Variants in METTL2A observed in about 807,000 individuals in gnomAD.
METTL2A encodes methyltransferase 2A, tRNA N3-cytidine.
In METTL2A, 45 loss-of-function variants were observed where a neutral mutation model predicts 49.4. That is an observed-to-expected ratio of 0.91 (90% CI 0.72 to 1.17). The LOEUF (loss-of-function observed/expected upper bound fraction) is 1.17. METTL2A is among the 50% of genes most tolerant of loss of function. The probability of loss-of-function intolerance (pLI) is 0.00; values close to 1 mark genes in which losing one functional copy is unlikely to be tolerated. For missense variants in METTL2A, 361 were observed against 462.2 expected, an observed-to-expected ratio of 0.78 and a Z score of 2.01; for synonymous variants, 118 against 167.5, an observed-to-expected ratio of 0.70 and a Z score of 2.28.
chr17:62,425,741 CTGTAATCCCAGCACTTTGGGAGGCCGAG>C (rs1290240104), intron 2 of METTL2A, among the ~76,000 whole-genome samples: 4 of 148,276 alleles, frequency 2.7e-5, no homozygotes, highest in Admixed American at 6.8e-5. Context: ...TGACTCATGC[CTGTAATCCCAGCACTTTGGGAGGCCGAG>C]GCGGGTGGAT....
rs2070792384 is a variant in METTL2A, at chr17:62,449,563, T to C, written c.*834T>C. On this transcript the variant is annotated 3_prime_UTR_variant, in exon 9 of 9. Transcript: ENST00000311506. ...CCGTCTCTACTAAAGATAAAAAAAT[T>C]AGCTGAGTGTGTTGGTGGGTGCCTG... 1 of 329,876 alleles carries C rather than the reference T, an allele frequency of 3.0e-6. No homozygotes were observed. Among genetic ancestry groups the C allele is most frequent in the Admixed American group, 4.5e-5 (1 of 22,006 alleles). The allele number at this position is 329,876 out of a possible 1,614,324, so 20.4% of individuals were successfully genotyped here. A position where few individuals can be genotyped will look rare whatever the true frequency, so the allele number is the denominator to read the frequency against.
intron 5 of METTL2A, among the ~76,000 whole-genome samples, chr17:62,436,289 G>A (rs1261658889): frequency 2.0e-5 from 3 of 152,072 alleles, no homozygotes; most frequent in Admixed American, 6.6e-5. Context: ...CTTAATGCCT[G>A]TCATCCCAAC....
chr17:62,440,087 GCA>G (rs2070728907), intron 5 of METTL2A, among the ~76,000 whole-genome samples: 3 of 150,036 alleles, frequency 2.0e-5, no homozygotes, highest in Non-Finnish European at 4.4e-5. Context: ...GTGCAATGGT[GCA>G]ATCTCGGCTC....
intron 4 of METTL2A, among the ~76,000 whole-genome samples, chr17:62,429,306 A>G (rs1468289303): frequency 6.6e-6 from 1 of 151,840 alleles, no homozygotes; most frequent in East Asian, 1.9e-4. Flanking sequence ...ATGAATAACA[A>G]AAGATACAGA....
rs1234574180 is a variant in METTL2A, at chr17:62,449,209, G to A, written c.*480G>A. 8 of 274,724 alleles carry A rather than the reference G, an allele frequency of 2.9e-5. No individual in the cohort carries two copies. In the East Asian group the frequency reaches 8.6e-4, roughly 29 times the overall value. 17.0% of individuals were successfully genotyped at this position (274,724 alleles called of 1,614,324 possible). A position where few individuals can be genotyped will look rare whatever the true frequency, so the allele number is the denominator to read the frequency against. ...TACATATGACAAGTGTTTTTTGACT[G>A]TAATTGCGTTAAATCTTTTGAGAAT... On this transcript the variant is annotated 3_prime_UTR_variant, in exon 9 of 9. Transcript: ENST00000311506.
intron 4 of METTL2A, among the ~76,000 whole-genome samples, chr17:62,430,644 C>A (rs913735024): frequency 2.0e-5 from 3 of 152,130 alleles, no homozygotes; most frequent in African/African-American, 7.2e-5. Flanking sequence ...TCAGAAGCAT[C>A]TAGAAAACTT....
At chr17:62,439,335 G>T (rs1214888169) in intron 5 of METTL2A, among the ~76,000 whole-genome samples, 1 of 152,078 alleles carries the variant, frequency 6.6e-6, no homozygotes, top group Non-Finnish European at 1.5e-5. Context: ...AAACTCCTGG[G>T]CTCAAGTGAT....
intron 8 of METTL2A, 98 bp downstream of exon 8, chr17:62,447,864 C>CT: frequency 6.3e-7 from 1 of 1,576,366 alleles, no homozygotes. Context: ...TCCCTCCTGC[C>CT]TTTTAGGCAG....
chr17:62,452,967 A>G lies in METTL2A; in HGVS notation c.*4238A>G, dbSNP rs563108047. Among the ~76,000 whole-genome samples, 1 of 152,274 alleles carries G rather than the reference A, an allele frequency of 6.6e-6. No individual in the cohort carries two copies. Among genetic ancestry groups the G allele is most frequent in the South Asian group, 2.1e-4 (1 of 4,830 alleles). On this transcript the variant is annotated 3_prime_UTR_variant, in exon 9 of 9. Transcript: ENST00000311506. ...GAGGAAGAGAGCTCCCATCTTTTCC[A>G]TTACTGTATTTACTTAAAACTGGAA...
chr17:62,442,938 G>A (rs1389789370), intron 6 of METTL2A, among the ~76,000 whole-genome samples: 2 of 152,198 alleles, frequency 1.3e-5, no homozygotes, highest in Non-Finnish European at 2.9e-5. Flanking sequence ...CAGGATAGGA[G>A]CTTTGGGTGA....
chr17:62,448,782 A>T lies in METTL2A; in HGVS notation c.*53A>T, dbSNP rs116115711. ...GCCCATTGTGTTTCCGGGCTTTTTT[A>T]AAAAAAAAATTGTAGCACTGGGCGT... On this transcript the variant is annotated 3_prime_UTR_variant, in exon 9 of 9. Transcript: ENST00000311506. 8,318 of 1,514,262 alleles carry T rather than the reference A, an allele frequency of 5.5e-3. 257 individuals are homozygous for T. The African/African-American group carries it at 0.082, about 15-fold the overall frequency. 93.8% of individuals were successfully genotyped at this position (1,514,262 alleles called of 1,614,324 possible). A position where few individuals can be genotyped will look rare whatever the true frequency, so the allele number is the denominator to read the frequency against.
At chr17:62,425,842 A>G (rs1272699213) in intron 2 of METTL2A, among the ~76,000 whole-genome samples, 2 of 151,560 alleles carry the variant, frequency 1.3e-5, no homozygotes, top group African/African-American at 4.8e-5. Context: ...GTACTAAAAA[A>G]TACAAAAAAT....
intron 4 of METTL2A, among the ~76,000 whole-genome samples, chr17:62,429,719 G>A (rs1372470699): frequency 1.3e-5 from 2 of 152,162 alleles, no homozygotes; most frequent in Non-Finnish European, 2.9e-5. Flanking sequence ...TGCCCAGGCT[G>A]GAGTGCAGTG....
At chr17:62,441,479 C>G (rs1359182067) in intron 6 of METTL2A, among the ~76,000 whole-genome samples, 2 of 151,958 alleles carry the variant, frequency 1.3e-5, no homozygotes, top group Non-Finnish European at 2.9e-5. Context: ...TGGAGTCTTG[C>G]CCTGTCGCCT....
intron 5 of METTL2A, among the ~76,000 whole-genome samples, chr17:62,436,882 G>C (rs909795005): frequency 3.9e-5 from 6 of 152,096 alleles, no homozygotes; most frequent in Admixed American, 3.9e-4. Context: ...CTCAAACCCT[G>C]CTGCTGCTTT....
intron 6 of METTL2A, among the ~76,000 whole-genome samples, chr17:62,441,631 G>A (rs953040339): frequency 3.4e-4 from 51 of 151,352 alleles, no homozygotes; most frequent in Non-Finnish European, 6.8e-4. Context: ...ATTTTTAGTA[G>A]ATGCGGGGTT....
At chr17:62,448,412 C>T (rs2070782904) in intron 8 of METTL2A, among the ~76,000 whole-genome samples, 163 bp from the exon 9 acceptor site, 1 of 152,022 alleles carries the variant, frequency 6.6e-6, no homozygotes, top group African/African-American at 2.4e-5. Context: ...CCTACCTAAA[C>T]ATGAACTTAC....
intron 2 of METTL2A, among the ~76,000 whole-genome samples, chr17:62,426,043 G>A (rs1292424071): frequency 6.6e-6 from 1 of 151,384 alleles, no homozygotes; most frequent in Non-Finnish European, 1.5e-5. Flanking sequence ...GAGGACACTT[G>A]ATAGATAGTA....
At chr17:62,442,769 G>A (rs2070745609) in intron 6 of METTL2A, among the ~76,000 whole-genome samples, 1 of 152,174 alleles carries the variant, frequency 6.6e-6, no homozygotes, top group Non-Finnish European at 1.5e-5. Flanking sequence ...TCCTCATTCT[G>A]TGTCATCAGA....
Sources: gnomAD v4.1 joint callset for allele counts (sites outside exome capture counted in the v4.1 genomes callset) on GRCh38, gnomAD v4.1.1 for gene constraint, MANE v1.5 for transcripts, NCBI Gene and HGNC (gene_info 2026-07-23, HGNC 2026-07-21) for gene names.